Variants in CFAP54 observed in about 807,000 individuals in gnomAD.
The protein encoded by CFAP54 is cilia- and flagella-associated protein 54.
CFAP54 carries 290 observed loss-of-function variants against 370.4 expected under a neutral mutation model. The observed-to-expected ratio is 0.78, with a 90% CI of 0.71 to 0.86. CFAP54 has a LOEUF of 0.86. CFAP54 is among the 40% of genes least tolerant of loss of function. The pLI, the probability that CFAP54 is intolerant of heterozygous loss-of-function variation, is 0.00. For synonymous variants in CFAP54, 1,206 were observed against 1,236.5 expected (o/e 0.98, Z 0.52); for missense variants, 3,399 against 3,528.7 (o/e 0.96, Z 0.93).
intron 38 of CFAP54, among the ~76,000 whole-genome samples, chr12:96,662,683 A>G (rs997278138): frequency 4.6e-5 from 7 of 152,062 alleles, no homozygotes; most frequent in Non-Finnish European, 7.4e-5. Context: ...TCTCTCCAGT[A>G]ACTCCTGTCC....
chr12:96,581,099 G>T lies in CFAP54; in HGVS notation c.3069G>T (p.Leu1023=). The change falls in exon 22 of 68, where the codon CTG becomes CTT. Residue 1023 remains leucine (L), a synonymous_variant. Transcript: ENST00000524981. The stretch of plus-strand genomic sequence containing the variant: ...CTACTATTACTGCTCGGATGTTCCT[G>T]ACACAGGTAGAAAAGATTTCTGCTA... The part of the protein sequence containing the change: ...PLSTITARMF[L]TQVAYQVGNY... 6.8e-7 allele frequency: 1 copy of T among 1,460,980 alleles called. No individual in the cohort carries two copies. The highest frequency in any genetic ancestry group is 1.8e-4 in the Middle Eastern group (1 of 5,660). 90.5% of individuals were successfully genotyped at this position (1,460,980 alleles called of 1,614,324 possible). A position where few individuals can be genotyped will look rare whatever the true frequency, so the allele number is the denominator to read the frequency against.
At chr12:96,521,156 G>T (rs958059154) in intron 6 of CFAP54, among the ~76,000 whole-genome samples, 1 of 151,996 alleles carries the variant, frequency 6.6e-6, no homozygotes, top group Non-Finnish European at 1.5e-5. Context: ...TTAATATTTT[G>T]GTTGATCTAG....
intron 47 of CFAP54, 43 bp from the exon 48 acceptor site, chr12:96,708,565 G>A: frequency 1.3e-6 from 2 of 1,502,346 alleles, no homozygotes; most frequent in Non-Finnish European, 1.8e-6. Context: ...ATCTGAAAAA[G>A]TATTTTTCTA....
intron 65 of CFAP54, among the ~76,000 whole-genome samples, chr12:96,821,218 T>G (rs1959029678): frequency 6.6e-6 from 1 of 152,136 alleles, no homozygotes; most frequent in South Asian, 2.1e-4. Flanking sequence ...GATGTAGGTA[T>G]CAAATTCATC....
chr12:96,651,751 T>G lies in CFAP54; in HGVS notation c.5036T>G (p.Phe1679Cys). The G allele has an allele frequency of 6.2e-7, 1 of 1,613,714 alleles. No homozygotes were observed. Among genetic ancestry groups the G allele is most frequent in the Non-Finnish European group, 8.5e-7 (1 of 1,179,656 alleles). ...DGFLCTSVLPFYLGAELLIDM... is the reference protein window; with the variant it reads ...DGFLCTSVLPCYLGAELLIDM... ...TTCCTCTGCACCTCTGTTTTACCAT[T>G]CTATTTGGGAGCAGAATTACTTATT... The change falls in exon 36 of 68, where the codon TTC (phenylalanine) becomes TGC (cysteine). Residue 1679 changes from phenylalanine (F) to cysteine (C), a missense_variant. By Grantham distance (205) the Phe-to-Cys change is radical. This residue lies in a region of CFAP54 where 2,796 missense variants were observed against 2,869.7 expected (regional missense o/e 0.97). Transcript: ENST00000524981.
At chr12:96,811,277 A>G (rs1376574305) in intron 63 of CFAP54, among the ~76,000 whole-genome samples, 2 of 152,190 alleles carry the variant, frequency 1.3e-5, no homozygotes, top group Non-Finnish European at 2.9e-5. Context: ...GTTTCATCTT[A>G]GCTGTGGTGG....
intron 60 of CFAP54, among the ~76,000 whole-genome samples, chr12:96,780,345 G>A (rs1958569109): frequency 6.6e-6 from 1 of 151,970 alleles, no homozygotes; most frequent in African/African-American, 2.4e-5. Context: ...ATCTATTTTT[G>A]TGTATAGTGT....
intron 26 of CFAP54, among the ~76,000 whole-genome samples, chr12:96,608,681 C>T (rs941390838): frequency 4.6e-5 from 7 of 151,840 alleles, no homozygotes; most frequent in African/African-American, 9.7e-5. Flanking sequence ...AGGCTGGTCT[C>T]GAACTTCAGA....
intron 65 of CFAP54, among the ~76,000 whole-genome samples, chr12:96,822,771 G>A (rs535361824): frequency 1.3e-5 from 2 of 152,184 alleles, no homozygotes; most frequent in Non-Finnish European, 2.9e-5. Context: ...AAAGTTTCTT[G>A]TAAATCCTCT....
At chr12:96,489,976 C>T (rs1367210249) in intron 1 of CFAP54, 50 bp downstream of exon 1, 14 of 1,460,912 alleles carry the variant, frequency 9.6e-6, no homozygotes, top group Non-Finnish European at 1.1e-5. Flanking sequence ...GGAGGGACCC[C>T]TGGAAAGGGC....
At chr12:96,724,161 C>G (rs1416048580) in intron 50 of CFAP54, among the ~76,000 whole-genome samples, 2 of 150,516 alleles carry the variant, frequency 1.3e-5, no homozygotes, top group Admixed American at 6.6e-5. Context: ...TTTATAGCAG[C>G]ATGATTTATA....
chr12:96,683,177 G>A (rs1051958764), intron 40 of CFAP54, among the ~76,000 whole-genome samples: 1 of 152,104 alleles, frequency 6.6e-6, no homozygotes, highest in Non-Finnish European at 1.5e-5. Context: ...GGGAGAAATA[G>A]CATCACTTTA....
In CFAP54 at chr12:96,679,707, C is replaced by T. The variant is rs776966513; in HGVS notation, c.5671C>T (p.Arg1891Ter). 1.2e-5 allele frequency: 20 copies of T among 1,613,212 alleles called. No individual in the cohort carries two copies. The highest frequency in any genetic ancestry group is 4.5e-5 in the East Asian group (2 of 44,812). ...EKSKYHNRSI[R>*]HSRKLLSLFL... is the part of the protein sequence containing the mutation. ...ATCCAAATACCATAACAGATCAATC[C>T]GACACAGCAGAAAGTTGCTTTCATT... The change falls in exon 40 of 68, where the codon CGA becomes TGA. Residue 1891 changes from arginine to a stop codon, truncating the protein, a stop_gained. Transcript: ENST00000524981. LOFTEE classifies it high-confidence loss of function.
intron 26 of CFAP54, among the ~76,000 whole-genome samples, chr12:96,619,871 A>G (rs928843803): frequency 1.3e-5 from 2 of 152,204 alleles, no homozygotes; most frequent in African/African-American, 4.8e-5. Flanking sequence ...GTTTTGCTGA[A>G]CATTCAAGGT....
intron 66 of CFAP54, among the ~76,000 whole-genome samples, chr12:96,850,583 G>C (rs1231178049): frequency 1.3e-5 from 2 of 151,920 alleles, no homozygotes; most frequent in Non-Finnish European, 1.5e-5. Context: ...ATACTAAATA[G>C]CTGAGAGACC....
At chr12:96,620,688 C>T (rs569323971) in intron 26 of CFAP54, among the ~76,000 whole-genome samples, 14 of 152,360 alleles carry the variant, frequency 9.2e-5, no homozygotes, top group Admixed American at 8.5e-4. Context: ...AAGGGGCCCA[C>T]AATGAGTGTG....
At chr12:96,683,386 A>C (rs1014842033) in intron 40 of CFAP54, among the ~76,000 whole-genome samples, 4 of 152,254 alleles carry the variant, frequency 2.6e-5, no homozygotes, top group African/African-American at 9.6e-5. Flanking sequence ...CTAAAATGGC[A>C]AATTAATCTT....
At chr12:96,506,629 C>G (rs910376419) in intron 3 of CFAP54, among the ~76,000 whole-genome samples, 34 of 149,850 alleles carry the variant, frequency 2.3e-4, no homozygotes, top group African/African-American at 8.4e-4. Context: ...TCTTGTCACC[C>G]AGGCTGGAAT....
chr12:96,862,087 A>C (rs1056281917), intron 67 of CFAP54, among the ~76,000 whole-genome samples: 1 of 152,212 alleles, frequency 6.6e-6, no homozygotes, highest in Non-Finnish European at 1.5e-5. Context: ...GTCTCCTTTG[A>C]TAATATAAGA....
Sources: gnomAD v4.1 joint callset for allele counts (sites outside exome capture counted in the v4.1 genomes callset) on GRCh38, gnomAD v4.1.1 for gene constraint, gnomAD v4.1.1 regional missense constraint, MANE v1.5 for transcripts, NCBI Gene and HGNC (gene_info 2026-07-23, HGNC 2026-07-21) for gene names.